Variants in RIMS2 observed in about 807,000 individuals in gnomAD.
RIMS2 encodes the protein regulating synaptic membrane exocytosis 2, also known as regulating synaptic membrane exocytosis protein 2.
A neutral mutation model predicts 174.4 loss-of-function variants in RIMS2; 59 were observed. That is an observed-to-expected ratio of 0.34 (90% CI 0.27 to 0.42). RIMS2 has a LOEUF of 0.42. Ranked by LOEUF, RIMS2 falls within the 10% of genes least tolerant of loss-of-function variation. The probability of loss-of-function intolerance (pLI) is 1.00; values close to 1 mark genes in which losing one functional copy is unlikely to be tolerated. For missense variants in RIMS2, 1,620 were observed against 1,666.3 expected (o/e 0.97, Z 0.48); for synonymous variants, 606 against 572.5 (o/e 1.06, Z -0.84).
intron 19 of RIMS2, among the ~76,000 whole-genome samples, chr8:104,077,946 C>T (rs1727720379): frequency 6.6e-6 from 1 of 151,670 alleles, no homozygotes; most frequent in Non-Finnish European, 1.5e-5. Flanking sequence ...AGTTTGAGAC[C>T]AGCCTGGCCA....
At chr8:103,978,049 G>A (rs1315083445) in intron 16 of RIMS2, among the ~76,000 whole-genome samples, 3 of 152,158 alleles carry the variant, frequency 2.0e-5, no homozygotes, top group East Asian at 3.8e-4. Flanking sequence ...ATACCCAGGG[G>A]ACCCACCCTT....
intron 19 of RIMS2, among the ~76,000 whole-genome samples, chr8:104,020,749 A>G (rs1197154713): frequency 6.6e-6 from 1 of 152,010 alleles, no homozygotes; most frequent in African/African-American, 2.4e-5. Context: ...AATGAGACAA[A>G]TTTAATCATA....
At chr8:103,682,715 A>T (rs923914016) in intron 1 of RIMS2, among the ~76,000 whole-genome samples, 1 of 152,148 alleles carries the variant, frequency 6.6e-6, no homozygotes, top group Non-Finnish European at 1.5e-5. Context: ...AATAAATAAA[A>T]TTTTTTAAAA....
intron 20 of RIMS2, 99 bp downstream of exon 26, chr8:104,245,156 C>G (rs1421555621): frequency 2.5e-6 from 3 of 1,213,296 alleles, no homozygotes; most frequent in African/African-American, 3.0e-5. Context: ...CTCTTCAGAA[C>G]CACTTTAATT....
intron 19 of RIMS2, among the ~76,000 whole-genome samples, chr8:104,117,223 A>G (rs1345273000): frequency 6.6e-6 from 1 of 152,138 alleles, no homozygotes; most frequent in East Asian, 1.9e-4. Context: ...TGCATATATT[A>G]ATAGTTTTAA....
Position 104,138,806 on chromosome 8 carries a change from T to C in RIMS2, c.3335-106110T>C, listed in dbSNP as rs181791021. Among the ~76,000 whole-genome samples, 15 of 152,328 alleles carry C rather than the reference T, an allele frequency of 9.8e-5. No homozygotes were observed. The East Asian group carries it at 2.7e-3, about 27-fold the overall frequency. On this transcript the variant is annotated intron_variant, in intron 19 of 23. Coordinates refer to ENST00000504942, the Ensembl canonical transcript of RIMS2. ...TTTGTCCATTTTTGCTTTGGTTGCC[T>C]GAGCTTGTGAGGTATTACTCGAGAA...
At chr8:103,871,168 G>T (rs1184421835) in intron 3 of RIMS2, among the ~76,000 whole-genome samples, 1 of 152,172 alleles carries the variant, frequency 6.6e-6, no homozygotes, top group Admixed American at 6.5e-5. Flanking sequence ...CAGCACTTTG[G>T]GAGGCCGAGG....
At chr8:104,113,544 A>G (rs1159353329) in intron 19 of RIMS2, among the ~76,000 whole-genome samples, 1 of 152,018 alleles carries the variant, frequency 6.6e-6, no homozygotes, top group Non-Finnish European at 1.5e-5. Flanking sequence ...TGTATTTATG[A>G]TATGTTTCAC....
chr8:103,712,955 A>T (rs958272016), intron 2 of RIMS2, among the ~76,000 whole-genome samples: 3 of 152,168 alleles, frequency 2.0e-5, no homozygotes, highest in Non-Finnish European at 4.4e-5. Flanking sequence ...AACTTATTTT[A>T]TGTAAAAATC....
At chr8:103,750,153 A>G (rs1029500461) in intron 2 of RIMS2, among the ~76,000 whole-genome samples, 2 of 152,134 alleles carry the variant, frequency 1.3e-5, no homozygotes, top group African/African-American at 2.4e-5. Context: ...GCATATTGAT[A>G]TTACATTGTT....
intron 19 of RIMS2, among the ~76,000 whole-genome samples, chr8:104,163,494 G>GAT (rs1271765056): frequency 6.6e-6 from 1 of 152,130 alleles, no homozygotes; most frequent in East Asian, 1.9e-4. Flanking sequence ...TATTGCAGAG[G>GAT]ATACTAACCT....
intron 3 of RIMS2, among the ~76,000 whole-genome samples, chr8:103,810,911 T>G (rs76181747): frequency 0.066 from 10,009 of 152,300 alleles, 377 homozygotes; most frequent in Non-Finnish European, 0.079. Context: ...TTCACATATT[T>G]TGCTGAAACA....
At chr8:103,796,582 A>G (rs547789344) in intron 3 of RIMS2, among the ~76,000 whole-genome samples, 19 of 152,176 alleles carry the variant, frequency 1.2e-4, no homozygotes, top group Admixed American at 8.5e-4. Context: ...ATCACTAATG[A>G]ATTTTTAAAA....
At chr8:103,830,313 T>C (rs1484813328) in intron 3 of RIMS2, among the ~76,000 whole-genome samples, 1 of 152,204 alleles carries the variant, frequency 6.6e-6, no homozygotes, top group African/African-American at 2.4e-5. Context: ...GGTGGAACTG[T>C]ATGATTTCTT....
At chr8:103,829,177 CA>C (rs2098810437) in intron 3 of RIMS2, among the ~76,000 whole-genome samples, 1 of 149,344 alleles carries the variant, frequency 6.7e-6, no homozygotes. Context: ...AAATGCAAAG[CA>C]AAACCAGAAT....
chr8:103,978,135 C>A (rs552202745), intron 16 of RIMS2, among the ~76,000 whole-genome samples: 1 of 152,100 alleles, frequency 6.6e-6, no homozygotes, highest in African/African-American at 2.4e-5. Flanking sequence ...TAAGAAATTC[C>A]GATGGTTTTA....
chr8:103,808,889 G>T (rs904680670), intron 3 of RIMS2, among the ~76,000 whole-genome samples: 1 of 152,064 alleles, frequency 6.6e-6, no homozygotes, highest in African/African-American at 2.4e-5. Flanking sequence ...ATATTTTGGG[G>T]TATTTATGGT....
In RIMS2 at chr8:103,747,109, T is replaced by C. The variant is rs2097829224; in HGVS notation, c.388-19118T>C. 1.3e-5 allele frequency among the ~76,000 whole-genome samples: 2 copies of C among 151,852 alleles called. 1 individual carries two copies. The highest frequency in any genetic ancestry group is 4.8e-5 in the African/African-American group (2 of 41,258). ...TTAATTAATTACTTTATTATTATTA[T>C]ACTTTAAGTTTTAGGGCACATGTGC... On this transcript the variant is annotated intron_variant, in intron 2 of 23. Coordinates refer to ENST00000504942, the Ensembl canonical transcript of RIMS2.
intron 1 of RIMS2, among the ~76,000 whole-genome samples, chr8:103,686,489 G>A (rs1017658383): frequency 6.6e-6 from 1 of 152,108 alleles, no homozygotes; most frequent in Non-Finnish European, 1.5e-5. Flanking sequence ...CCTTTACTGT[G>A]CTAAGGAAGT....
Sources: allele counts gnomAD v4.1 joint callset (sites outside exome capture counted in the v4.1 genomes callset), GRCh38; gene constraint gnomAD v4.1.1; transcripts MANE v1.5; gene names NCBI Gene and HGNC (gene_info 2026-07-23, HGNC 2026-07-21).